The following GABRB3 variants were observed in gnomAD, a reference collection of about 807,000 sequenced individuals.
GABRB3 encodes the protein gamma-aminobutyric acid receptor subunit beta-3.
In GABRB3, 14 loss-of-function variants were observed where a neutral mutation model predicts 52.1. That is an observed-to-expected ratio of 0.27 (90% CI 0.18 to 0.42). The LOEUF (loss-of-function observed/expected upper bound fraction) is 0.42. Among genes scored for constraint, GABRB3 ranks in the 10% least tolerant of loss-of-function variants. The probability of loss-of-function intolerance (pLI) is 1.00; values close to 1 mark genes in which losing one functional copy is unlikely to be tolerated. For synonymous variants in GABRB3, 260 were observed against 232.3 expected, an observed-to-expected ratio of 1.12 and a Z score of -1.08; for missense variants, 307 against 609.1, an observed-to-expected ratio of 0.50 and a Z score of 5.22.
At chr15:26,625,526 C>T in intron 3 of GABRB3, 1 of 982,408 alleles carries the variant, frequency 1.0e-6, no homozygotes, top group Non-Finnish European at 1.2e-6. Context: ...TTTTGAATTC[C>T]AAGCCTGTCT....
intron 8 of GABRB3, among the ~76,000 whole-genome samples, chr15:26,559,829 CT>C (rs1490183728): frequency 6.6e-6 from 1 of 152,260 alleles, no homozygotes; most frequent in South Asian, 2.1e-4. Flanking sequence ...CCAACCCTGG[CT>C]TTTTGCAGAA....
At chr15:26,557,242 A>G (rs1037406289) in intron 8 of GABRB3, among the ~76,000 whole-genome samples, 3 of 152,138 alleles carry the variant, frequency 2.0e-5, no homozygotes, top group African/African-American at 4.8e-5. Context: ...AATGGACGAA[A>G]AAAAGGAAAC....
intron 8 of GABRB3, among the ~76,000 whole-genome samples, chr15:26,554,041 T>TTATATATTTA (rs1555400774): frequency 4.8e-5 from 3 of 62,106 alleles, no homozygotes; most frequent in Non-Finnish European, 6.3e-5. Context: ...ATATATTTAT[T>TTATATATTTA]TATTTATATT....
intron 3 of GABRB3, among the ~76,000 whole-genome samples, chr15:26,758,698 A>T (rs2140180384): frequency 6.6e-6 from 1 of 152,202 alleles, no homozygotes; most frequent in East Asian, 1.9e-4. Flanking sequence ...ATTTGGTTAC[A>T]TTGGGAACAA....
chr15:26,680,934 G>A (rs372791996), intron 3 of GABRB3, among the ~76,000 whole-genome samples: 1 of 152,224 alleles, frequency 6.6e-6, no homozygotes, highest in East Asian at 1.9e-4. Context: ...AAAAAAGGAA[G>A]TAAACTTGTG....
At position 26,547,831 on chromosome 15, in the gene GABRB3, G is replaced by A; in HGVS notation, c.1384C>T (p.Leu462Phe). 6.2e-7 allele frequency: 1 copy of A among 1,614,036 alleles called. No individual in the cohort carries two copies. The highest frequency in any genetic ancestry group is 8.5e-7 in the Non-Finnish European group (1 of 1,180,010). ...TACAGCCAGTAAACTAAGTTGAAAA[G>A]AGAAAAAGTGAATGGAAACACGATC... ...SRIVFPFTFSLFNLVYWLYYV... is the reference protein window; with the variant it reads ...SRIVFPFTFSFFNLVYWLYYV... Residue 462 changes from leucine (L) to phenylalanine (F), a missense_variant, in exon 9 of 9, where the codon CTT (leucine) becomes TTT (phenylalanine). This residue lies in a region of GABRB3 where 115 missense variants were observed against 166.9 expected (regional missense o/e 0.69). Transcript: ENST00000311550.
At chr15:26,622,317 T>C (rs1048369316) in intron 3 of GABRB3, among the ~76,000 whole-genome samples, 9 of 151,944 alleles carry the variant, frequency 5.9e-5, no homozygotes, top group African/African-American at 2.2e-4. Flanking sequence ...GAGAACAAAG[T>C]GGGAAAAAAG....
chr15:26,650,245 G>A (rs1373123571), intron 3 of GABRB3, among the ~76,000 whole-genome samples: 1 of 152,140 alleles, frequency 6.6e-6, no homozygotes, highest in Non-Finnish European at 1.5e-5. Context: ...TGAGTATTGG[G>A]TTAATGAACT....
intron 4 of GABRB3, among the ~76,000 whole-genome samples, chr15:26,589,064 G>C (rs17560717): frequency 0.31 from 47,075 of 152,116 alleles, 9,110 homozygotes; most frequent in Middle Eastern, 0.46. Context: ...GCACGCCTGA[G>C]TCAAGGATGT....
chr15:26,763,938 G>A (rs888992942), intron 3 of GABRB3, among the ~76,000 whole-genome samples: 6 of 151,424 alleles, frequency 4.0e-5, no homozygotes, highest in Non-Finnish European at 8.8e-5. Flanking sequence ...CTGAGGTTAG[G>A]AGTTCAAGAC....
intron 3 of GABRB3, among the ~76,000 whole-genome samples, chr15:26,664,508 C>A (rs946256197): frequency 6.6e-6 from 1 of 151,762 alleles, no homozygotes; most frequent in Non-Finnish European, 1.5e-5. Flanking sequence ...GTATGTTTCA[C>A]GGTGGAAAGA....
chr15:26,756,631 C>A (rs1023312876), intron 3 of GABRB3, among the ~76,000 whole-genome samples: 3 of 151,978 alleles, frequency 2.0e-5, no homozygotes, highest in Non-Finnish European at 4.4e-5. Context: ...AGTTCCTGCA[C>A]CTGACACAAT....
chr15:26,547,454 C>G lies in GABRB3; in HGVS notation c.*339G>C, dbSNP rs1889297835. On this transcript the variant is annotated 3_prime_UTR_variant, in exon 9 of 9. Transcript: ENST00000311550. ...CTCAAGGCATAATATTTAGATGATA[C>G]TTGTCCCTTTCAATTAAAAAAGAAA... is the stretch of plus-strand genomic sequence containing the variant. 1 of 489,978 alleles carries G rather than the reference C, an allele frequency of 2.0e-6. No individual in the cohort carries two copies. Among genetic ancestry groups the G allele is most frequent in the Non-Finnish European group, 3.6e-6 (1 of 280,938 alleles). 30.4% of individuals were successfully genotyped at this position (489,978 alleles called of 1,614,324 possible).
At chr15:26,773,669 C>G, upstream of GABRB3, 1 of 1,573,028 alleles carries the variant, frequency 6.4e-7, no homozygotes, top group East Asian at 2.3e-5. Context: ...GCCTCGGGTC[C>G]CCAGGGTCCA....
At chr15:26,606,950 C>T (rs1677904917) in intron 4 of GABRB3, among the ~76,000 whole-genome samples, 1 of 151,992 alleles carries the variant, frequency 6.6e-6, no homozygotes, top group South Asian at 2.1e-4. Context: ...AAATTGAAAA[C>T]CTAACTTAAT....
intron 5 of GABRB3, among the ~76,000 whole-genome samples, chr15:26,582,964 C>T (rs748380630): frequency 6.6e-6 from 1 of 152,018 alleles, no homozygotes; most frequent in Admixed American, 6.6e-5. Context: ...CTTGTCAAGC[C>T]GAGTTCCTGA....
intron 1 of GABRB3, 52 bp from the exon 2 acceptor site, chr15:26,772,824 C>T: frequency 6.8e-7 from 1 of 1,469,610 alleles, no homozygotes; most frequent in African/African-American, 1.5e-5. Flanking sequence ...GGCTCAGCCG[C>T]CAGCGCCCCG....
intron 8 of GABRB3, among the ~76,000 whole-genome samples, chr15:26,549,137 A>G (rs928155668): frequency 7.9e-5 from 12 of 152,144 alleles, no homozygotes; most frequent in African/African-American, 2.9e-4. Context: ...GGCTTCCTCC[A>G]TGAATCTTTC....
intron 4 of GABRB3, among the ~76,000 whole-genome samples, chr15:26,600,978 ATG>A (rs906407356): frequency 3.4e-4 from 52 of 152,136 alleles, no homozygotes; most frequent in African/African-American, 1.1e-3. Flanking sequence ...GAAGCATAAA[ATG>A]TGTGTGGGGG....
Sources: gnomAD v4.1 joint callset for allele counts (sites outside exome capture counted in the v4.1 genomes callset) on GRCh38, gnomAD v4.1.1 for gene constraint, gnomAD v4.1.1 regional missense constraint, MANE v1.5 for transcripts, NCBI Gene and HGNC (gene_info 2026-07-23, HGNC 2026-07-21) for gene names.